The following AKAP19 variants were observed in gnomAD, a reference collection of about 807,000 sequenced individuals.
The protein encoded by AKAP19 is small A-kinase anchoring protein.
the AKAP19 span, among the ~76,000 whole-genome samples, chr2:189,982,496 A>G: frequency 1.3e-5 from 2 of 152,090 alleles, no homozygotes; most frequent in Non-Finnish European, 2.9e-5. Flanking sequence ...TGTCATTTCA[A>G]ACTTTTCAAT....
the AKAP19 span, among the ~76,000 whole-genome samples, chr2:190,006,722 G>A: frequency 6.9e-6 from 1 of 144,288 alleles, no homozygotes; most frequent in Non-Finnish European, 1.5e-5. Flanking sequence ...TCTTATATGA[G>A]AATTTAAACA....
chr2:190,073,608 A>G, the AKAP19 span, among the ~76,000 whole-genome samples: 4 of 152,062 alleles, frequency 2.6e-5, no homozygotes, highest in African/African-American at 9.7e-5. Flanking sequence ...CCAGAGAAAA[A>G]TTTTAGCTAC....
the AKAP19 span, among the ~76,000 whole-genome samples, chr2:190,046,790 C>T: frequency 4.6e-5 from 7 of 152,044 alleles, no homozygotes; most frequent in South Asian, 4.1e-4. Context: ...TTCTACTAGG[C>T]GGTGTTATTT....
chr2:189,960,048 AT>A, the AKAP19 span, among the ~76,000 whole-genome samples: 4 of 152,232 alleles, frequency 2.6e-5, no homozygotes, highest in Non-Finnish European at 4.4e-5. Context: ...TTCATATTCA[AT>A]TAGAGTTCAA....
At chr2:190,075,751 A>G in the AKAP19 span, among the ~76,000 whole-genome samples, 1 of 152,076 alleles carries the variant, frequency 6.6e-6, no homozygotes, top group Non-Finnish European at 1.5e-5. Context: ...TTTTTGGTAG[A>G]CCACATGTAG....
At chr2:190,185,734 C>T in the AKAP19 span, among the ~76,000 whole-genome samples, 13 of 152,300 alleles carry the variant, frequency 8.5e-5, no homozygotes, top group Non-Finnish European at 7.3e-5. Flanking sequence ...GCCTGTTCAA[C>T]AGTTAGTCTA....
At chr2:190,041,171 ATTTG>A in the AKAP19 span, among the ~76,000 whole-genome samples, 1 of 151,890 alleles carries the variant, frequency 6.6e-6, no homozygotes, top group Admixed American at 6.6e-5. Context: ...ATTTTTTTAA[ATTTG>A]TTTGTGTCTT....
the AKAP19 span, among the ~76,000 whole-genome samples, chr2:190,049,436 G>T: frequency 1.3e-5 from 2 of 152,114 alleles, no homozygotes; most frequent in Non-Finnish European, 2.9e-5. Context: ...AATGTAAATT[G>T]GCACAACTTC....
chr2:190,201,592 A>ATACTT, the AKAP19 span: 5 of 167,172 alleles, frequency 3.0e-5, no homozygotes, highest in African/African-American at 4.8e-5. Flanking sequence ...TTTAACACTA[A>ATACTT]TACTTTGAAA....
the AKAP19 span, among the ~76,000 whole-genome samples, chr2:190,074,048 A>T: frequency 6.6e-6 from 1 of 151,982 alleles, no homozygotes; most frequent in Non-Finnish European, 1.5e-5. Flanking sequence ...TCTCAGAAAA[A>T]AAAAAAAAAA....
chr2:190,096,278 T>G, the AKAP19 span, among the ~76,000 whole-genome samples: 3 of 152,156 alleles, frequency 2.0e-5, no homozygotes, highest in African/African-American at 7.2e-5. Context: ...ACTTGAGAAT[T>G]TAGTTCAGGC....
At chr2:190,099,546 A>G in the AKAP19 span, among the ~76,000 whole-genome samples, 1 of 152,204 alleles carries the variant, frequency 6.6e-6, no homozygotes, top group Non-Finnish European at 1.5e-5. Flanking sequence ...TATAATAATA[A>G]TAATAAAATT....
chr2:190,072,526 GA>G, the AKAP19 span, among the ~76,000 whole-genome samples: 39 of 152,124 alleles, frequency 2.6e-4, no homozygotes, highest in African/African-American at 8.4e-4. Flanking sequence ...TGAGGTTGAT[GA>G]AAAAAATTTG....
At chr2:189,893,897 G>T in the AKAP19 span, among the ~76,000 whole-genome samples, 6 of 152,118 alleles carry the variant, frequency 3.9e-5, no homozygotes, top group East Asian at 1.2e-3. Context: ...ATGTGGATTG[G>T]TCCTGGAACT....
chr2:190,072,943 C>G, the AKAP19 span, among the ~76,000 whole-genome samples: 1 of 151,868 alleles, frequency 6.6e-6, no homozygotes, highest in East Asian at 1.9e-4. Flanking sequence ...GAAAATGAAC[C>G]ATAAAATAGG....
the AKAP19 span, among the ~76,000 whole-genome samples, chr2:190,198,652 A>C: frequency 6.6e-6 from 1 of 150,902 alleles, no homozygotes; most frequent in South Asian, 2.1e-4. Flanking sequence ...AAAAAAAAAA[A>C]AAAGGTGTTT....
chr2:190,108,745 G>A, the AKAP19 span, among the ~76,000 whole-genome samples: 1 of 149,736 alleles, frequency 6.7e-6, no homozygotes, highest in East Asian at 2.0e-4. Context: ...GAAAGGAAGT[G>A]ATAGAGCTGG....
the AKAP19 span, among the ~76,000 whole-genome samples, chr2:190,104,982 A>G: frequency 6.6e-6 from 1 of 152,186 alleles, no homozygotes; most frequent in African/African-American, 2.4e-5. Flanking sequence ...AAAAATGAAC[A>G]AACAGCAAAT....
At chr2:189,958,461 CATAA>C in the AKAP19 span, among the ~76,000 whole-genome samples, 6 of 150,156 alleles carry the variant, frequency 4.0e-5, no homozygotes, top group African/African-American at 9.7e-5. Context: ...AATAATTTGA[CATAA>C]ATAATATAGT....
Sources: gnomAD v4.1 joint callset for allele counts (sites outside exome capture counted in the v4.1 genomes callset) on GRCh38, gnomAD v4.1.1 for gene constraint, MANE v1.5 for transcripts, NCBI Gene and HGNC (gene_info 2026-07-23, HGNC 2026-07-21) for gene names.